NCOA6: variants seen among roughly 807,000 people sequenced by gnomAD.
The protein encoded by NCOA6 is nuclear receptor coactivator 6, also known as NRC RAP250.
NCOA6 carries 49 observed loss-of-function variants against 171.4 expected under a neutral mutation model. The observed-to-expected ratio is 0.29, with a 90% CI of 0.23 to 0.36. NCOA6 has a LOEUF of 0.36. Among genes scored for constraint, NCOA6 ranks in the 10% least tolerant of loss-of-function variants. The pLI is 1.00. For synonymous variants in NCOA6, 910 were observed against 927.5 expected, an observed-to-expected ratio of 0.98 and a Z score of 0.34; for missense variants, 2,248 against 2,554.5, an observed-to-expected ratio of 0.88 and a Z score of 2.59.
At chr20:34,721,540 G>GT (rs1456333517) in intron 14 of NCOA6, among the ~76,000 whole-genome samples, 1 of 152,132 alleles carries the variant, frequency 6.6e-6, no homozygotes, top group Non-Finnish European at 1.5e-5. Context: ...TCAGGCATTA[G>GT]TTAGATTCTT....
At chr20:34,735,094 G>A (rs551486810) in intron 12 of NCOA6, among the ~76,000 whole-genome samples, 164 of 152,202 alleles carry the variant, frequency 1.1e-3, no homozygotes, top group African/African-American at 3.7e-3. Context: ...ATTCATTTAC[G>A]CCAGACTTCC....
At chr20:34,776,582 T>C (rs1183306428) in intron 3 of NCOA6, 134 bp from the exon 4 acceptor site, 1 of 1,035,160 alleles carries the variant, frequency 9.7e-7, no homozygotes, top group East Asian at 2.6e-5. Context: ...GCATATGCTT[T>C]GGAGCTACAG....
intron 2 of NCOA6, among the ~76,000 whole-genome samples, chr20:34,790,591 G>A (rs2077844195): frequency 1.3e-5 from 2 of 152,066 alleles, no homozygotes; most frequent in African/African-American, 4.8e-5. Context: ...TCCTGACCTC[G>A]TGATGTACCC....
chr20:34,797,765 G>A (rs1357828511), intron 1 of NCOA6, among the ~76,000 whole-genome samples: 1 of 152,016 alleles, frequency 6.6e-6, no homozygotes, highest in Non-Finnish European at 1.5e-5. Flanking sequence ...GTGCATGCCT[G>A]TAGTCCCAGC....
intron 14 of NCOA6, among the ~76,000 whole-genome samples, chr20:34,722,054 CAAAAAAAAAAAAAAA>C (rs71196757): frequency 6.3e-5 from 4 of 63,388 alleles, no homozygotes; most frequent in African/African-American, 1.9e-4. Context: ...GACCCTGTCT[CAAAAAAAAAAAAAAA>C]AAAAAAAAAA....
chr20:34,788,574 A>G (rs1039354375), intron 2 of NCOA6, among the ~76,000 whole-genome samples: 8 of 152,146 alleles, frequency 5.3e-5, no homozygotes, highest in Non-Finnish European at 8.8e-5. Flanking sequence ...GCAGTCCTCA[A>G]TTTGGTCTGG....
intron 1 of NCOA6, among the ~76,000 whole-genome samples, chr20:34,817,009 G>A (rs761766170): frequency 6.6e-6 from 1 of 151,124 alleles, no homozygotes; most frequent in Non-Finnish European, 1.5e-5. Context: ...TGTAGTCCCA[G>A]CTACTCAGGA....
chr20:34,785,358 G>A (rs981879564), intron 2 of NCOA6, among the ~76,000 whole-genome samples: 1 of 151,626 alleles, frequency 6.6e-6, no homozygotes, highest in Non-Finnish European at 1.5e-5. Flanking sequence ...ACTTTGGGAG[G>A]CAGAGGCAGG....
chr20:34,787,763 G>A (rs974415536), intron 2 of NCOA6, among the ~76,000 whole-genome samples: 1 of 152,182 alleles, frequency 6.6e-6, no homozygotes, highest in Non-Finnish European at 1.5e-5. Flanking sequence ...TATTGAAGCT[G>A]CAGTGTTACA....
intron 5 of NCOA6, among the ~76,000 whole-genome samples, chr20:34,760,040 G>A (rs1450923909): frequency 6.6e-6 from 1 of 152,178 alleles, no homozygotes; most frequent in Non-Finnish European, 1.5e-5. Context: ...AGCTTTTGGA[G>A]GCCAAGGTGG....
intron 4 of NCOA6, among the ~76,000 whole-genome samples, chr20:34,772,358 A>G (rs1382256918): frequency 6.6e-6 from 1 of 152,110 alleles, no homozygotes; most frequent in Admixed American, 6.6e-5. Flanking sequence ...AAATTATATG[A>G]CTATCTATAA....
chr20:34,725,083 G>C (rs1286676996), intron 14 of NCOA6, among the ~76,000 whole-genome samples: 2 of 152,222 alleles, frequency 1.3e-5, no homozygotes, highest in Non-Finnish European at 2.9e-5. Context: ...GCCACTGCAC[G>C]TGGCTGAGGC....
At chr20:34,822,285 C>G (rs2079030299) in intron 1 of NCOA6, among the ~76,000 whole-genome samples, 1 of 152,182 alleles carries the variant, frequency 6.6e-6, no homozygotes, top group South Asian at 2.1e-4. Flanking sequence ...AACTCCTTAG[C>G]AAGGTCCTTC....
At chr20:34,785,471 A>C (rs558758479) in intron 2 of NCOA6, among the ~76,000 whole-genome samples, 1 of 151,708 alleles carries the variant, frequency 6.6e-6, no homozygotes, top group South Asian at 2.1e-4. Context: ...ATACAACAGC[A>C]GTCAGAAAAT....
chr20:34,808,296 C>T (rs769277991), intron 1 of NCOA6, among the ~76,000 whole-genome samples: 2 of 151,976 alleles, frequency 1.3e-5, no homozygotes, highest in African/African-American at 4.8e-5. Context: ...TGGAACTGTG[C>T]CCAGCCAGGA....
At chr20:34,795,029 C>CTT (rs1323145709) in intron 1 of NCOA6, among the ~76,000 whole-genome samples, 6 of 152,074 alleles carry the variant, frequency 3.9e-5, no homozygotes, top group African/African-American at 1.4e-4. Context: ...AATTTACAGC[C>CTT]TTTTTAGAAG....
chr20:34,744,588 GC>G (rs1262928140), intron 10 of NCOA6, among the ~76,000 whole-genome samples: 1 of 152,190 alleles, frequency 6.6e-6, no homozygotes, highest in African/African-American at 2.4e-5. Flanking sequence ...GTCAGACTCA[GC>G]ACTCAATTAA....
chr20:34,775,672 C>CAAAAAAA (rs570763953), intron 4 of NCOA6, among the ~76,000 whole-genome samples: 3 of 77,572 alleles, frequency 3.9e-5, no homozygotes, highest in Non-Finnish European at 7.6e-5. Flanking sequence ...GACTCTGTCT[C>CAAAAAAA]AAAAAAAAAA....
Position 34,758,856 on chromosome 20 carries a change from C to T in NCOA6, c.592G>A (p.Gly198Ser). 1 of 1,613,604 alleles carries T rather than the reference C, an allele frequency of 6.2e-7. No individual in the cohort carries two copies. Among genetic ancestry groups the T allele is most frequent in the Non-Finnish European group, 8.5e-7 (1 of 1,179,910 alleles). Reference protein sequence around the residue: ...GNVSSSMMAPGPNPELQPRTP... With the variant: ...GNVSSSMMAPSPNPELQPRTP... ...CTGGGCTGCAGCTCTGGATTGGGGC[C>T]TGGTGCCATCATGGAAGATGACACA... is the stretch of plus-strand genomic sequence containing the variant. Residue 198 changes from glycine to serine, a missense_variant, in exon 6 of 15, where the codon GGC becomes AGC. Physicochemically the swap from Gly to Ser is moderately conservative, Grantham distance 56 (BLOSUM62 0). Around this residue, in one of 7 missense-constraint regions of NCOA6, gnomAD observed 987 missense variants for 1,104.7 expected, o/e 0.89. Transcript: ENST00000359003.
Sources: allele counts gnomAD v4.1 joint callset (sites outside exome capture counted in the v4.1 genomes callset), GRCh38; gene constraint gnomAD v4.1.1; regional missense constraint gnomAD v4.1.1; transcripts MANE v1.5; gene names NCBI Gene and HGNC (gene_info 2026-07-23, HGNC 2026-07-21).